The following RNF216 variants were observed in gnomAD, a reference collection of about 807,000 sequenced individuals.
RNF216 encodes the protein ring finger protein 216.
RNF216 carries 72 observed loss-of-function variants against 110.8 expected under a neutral mutation model. The ratio of observed to expected loss-of-function variants is 0.65; its 90% CI spans 0.54 to 0.79. The LOEUF (loss-of-function observed/expected upper bound fraction) is 0.79, where lower values mean the gene tolerates loss of function less well. Ranked by LOEUF, RNF216 falls within the 30% of genes least tolerant of loss-of-function variation. The pLI, the probability that RNF216 is intolerant of heterozygous loss-of-function variation, is 0.00. For synonymous variants in RNF216, 495 were observed against 407.5 expected (o/e 1.21, Z -2.59); for missense variants, 1,342 against 1,141.2 (o/e 1.18, Z -2.54).
chr7:5,746,954 C>T lies in RNF216; in HGVS notation c.202-5139G>A, dbSNP rs533496764. ...AAGAGACAACAGAATTCTAAAATAG[C>T]TTTTTTGAAAGATTAACTGCAAAAA... is the stretch of plus-strand genomic sequence containing the variant. On this transcript the variant is annotated intron_variant, in intron 3 of 16. Transcript: ENST00000389902. Among the ~76,000 whole-genome samples, 6 of 152,252 alleles carry T rather than the reference C, an allele frequency of 3.9e-5. 1 individual carries two copies. The East Asian group carries it at 9.6e-4, about 24-fold the overall frequency.
At chr7:5,626,322 G>A (rs1321833700) in intron 15 of RNF216, among the ~76,000 whole-genome samples, 2 of 151,342 alleles carry the variant, frequency 1.3e-5, no homozygotes, top group East Asian at 1.9e-4. Context: ...GCCTCCATGT[G>A]AATATCAAGG....
chr7:5,626,012 G>A (rs1301955186), intron 15 of RNF216, among the ~76,000 whole-genome samples: 3 of 152,196 alleles, frequency 2.0e-5, no homozygotes, highest in Non-Finnish European at 2.9e-5. Flanking sequence ...GCCTGGCCAC[G>A]TGTTCTGAGC....
chr7:5,675,796 G>A (rs1790248697), intron 13 of RNF216, among the ~76,000 whole-genome samples: 2 of 148,404 alleles, frequency 1.3e-5, no homozygotes, highest in Admixed American at 6.7e-5. Flanking sequence ...TGAAACCTCC[G>A]CCTCCTGGGT....
intron 1 of RNF216, among the ~76,000 whole-genome samples, chr7:5,768,711 G>C (rs1490298439): frequency 6.6e-6 from 1 of 151,034 alleles, no homozygotes; most frequent in Non-Finnish European, 1.5e-5. Context: ...GCCCAGGCTG[G>C]AGTGCAGTGG....
chr7:5,645,859 G>C (rs1171247835), intron 14 of RNF216, among the ~76,000 whole-genome samples: 7 of 152,162 alleles, frequency 4.6e-5, no homozygotes, highest in Non-Finnish European at 1.0e-4. Flanking sequence ...CAAAGTGCTG[G>C]GATTACAGGC....
At chr7:5,654,477 A>G (rs1788603995) in intron 13 of RNF216, among the ~76,000 whole-genome samples, 1 of 151,914 alleles carries the variant, frequency 6.6e-6, no homozygotes, top group African/African-American at 2.4e-5. Context: ...ATTTGAGGTC[A>G]GAAGTTCGAG....
intron 6 of RNF216, among the ~76,000 whole-genome samples, 175 bp from the exon 7 acceptor site, chr7:5,729,771 A>G (rs1793978530): frequency 6.6e-6 from 1 of 152,240 alleles, no homozygotes; most frequent in Admixed American, 6.5e-5. Context: ...GAGGTTAAAC[A>G]AACCTGTCTG....
At chr7:5,652,770 A>C (rs1788477993) in intron 13 of RNF216, among the ~76,000 whole-genome samples, 1 of 152,122 alleles carries the variant, frequency 6.6e-6, no homozygotes, top group Admixed American at 6.5e-5. Flanking sequence ...AGCCTGGGCA[A>C]CAGAGTGAGA....
chr7:5,737,976 T>C (rs1794525137), intron 5 of RNF216, among the ~76,000 whole-genome samples: 1 of 151,016 alleles, frequency 6.6e-6, no homozygotes, highest in Non-Finnish European at 1.5e-5. Flanking sequence ...TAATGCCAGC[T>C]ACTCAGGAGA....
intron 1 of RNF216, among the ~76,000 whole-genome samples, chr7:5,765,489 G>A (rs1200810431): frequency 1.3e-5 from 2 of 151,742 alleles, no homozygotes; most frequent in Non-Finnish European, 2.9e-5. Flanking sequence ...AAAAAATAAG[G>A]CATGGTGGTG....
At chr7:5,758,464 G>T (rs189624649) in intron 2 of RNF216, among the ~76,000 whole-genome samples, 117 of 152,294 alleles carry the variant, frequency 7.7e-4, no homozygotes, top group African/African-American at 2.6e-3. Context: ...GAGCAACACT[G>T]ATTTCAACAG....
intron 13 of RNF216, among the ~76,000 whole-genome samples, chr7:5,674,755 G>C (rs1790159394): frequency 6.6e-6 from 1 of 152,150 alleles, no homozygotes; most frequent in Non-Finnish European, 1.5e-5. Context: ...TGTGGCTCTA[G>C]GAGGCCGAGG....
intron 5 of RNF216, among the ~76,000 whole-genome samples, chr7:5,736,282 T>C (rs1562444423): frequency 6.6e-6 from 1 of 152,128 alleles, no homozygotes; most frequent in Non-Finnish European, 1.5e-5. Context: ...CACGCCTGAC[T>C]GGTTTTCGTA....
intron 1 of RNF216, 27 bp from the exon 2 acceptor site, chr7:5,761,165 A>G: frequency 1.5e-6 from 1 of 681,040 alleles, no homozygotes. Flanking sequence ...GAGTAACAGT[A>G]AGAATGAGGG....
chr7:5,638,452 A>G (rs1787532466), intron 15 of RNF216, among the ~76,000 whole-genome samples: 1 of 152,170 alleles, frequency 6.6e-6, no homozygotes, highest in African/African-American at 2.4e-5. Flanking sequence ...AAGTACACGC[A>G]CTACATCTTC....
At chr7:5,632,502 C>G (rs1200195890) in intron 15 of RNF216, among the ~76,000 whole-genome samples, 1 of 152,194 alleles carries the variant, frequency 6.6e-6, no homozygotes, top group African/African-American at 2.4e-5. Flanking sequence ...AGCAAGGGCT[C>G]AAAAGAACAA....
At chr7:5,751,194 C>CA (rs1160059113) in intron 3 of RNF216, among the ~76,000 whole-genome samples, 1 of 151,700 alleles carries the variant, frequency 6.6e-6, no homozygotes, top group African/African-American at 2.4e-5. Flanking sequence ...ACAACAACAA[C>CA]AAAAAAAAGT....
At chr7:5,761,678 C>G (rs547075785) in intron 1 of RNF216, among the ~76,000 whole-genome samples, 4 of 151,964 alleles carry the variant, frequency 2.6e-5, no homozygotes, top group African/African-American at 9.7e-5. Context: ...CCCAGCTACT[C>G]TGGACACTGA....
At chr7:5,761,673 C>T (rs888683519) in intron 1 of RNF216, among the ~76,000 whole-genome samples, 18 of 152,126 alleles carry the variant, frequency 1.2e-4, no homozygotes, top group Non-Finnish European at 2.2e-4. Context: ...GTAATCCCAG[C>T]TACTCTGGAC....
Sources: gnomAD v4.1 joint callset for allele counts (sites outside exome capture counted in the v4.1 genomes callset) on GRCh38, gnomAD v4.1.1 for gene constraint, MANE v1.5 for transcripts, NCBI Gene and HGNC (gene_info 2026-07-23, HGNC 2026-07-21) for gene names.